Variants in BCL2 observed in about 807,000 individuals in gnomAD.
The protein encoded by BCL2 is BCL2 apoptosis regulator.
A neutral mutation model predicts 14.2 loss-of-function variants in BCL2; 1 was observed. That is an observed-to-expected ratio of 0.07 (90% CI 0.02 to 0.33). The LOEUF (loss-of-function observed/expected upper bound fraction) is 0.33, where lower values mean the gene tolerates loss of function less well. BCL2 is among the 10% of genes least tolerant of loss of function. The pLI is 0.99. For synonymous variants in BCL2, 151 were observed against 137.2 expected, an observed-to-expected ratio of 1.10 and a Z score of -0.70; for missense variants, 247 against 305.9, an observed-to-expected ratio of 0.81 and a Z score of 1.44.
chr18:63,160,901 A>C (rs2144618642), intron 2 of BCL2, among the ~76,000 whole-genome samples: 1 of 152,292 alleles, frequency 6.6e-6, no homozygotes, highest in East Asian at 1.9e-4. Flanking sequence ...TGCCAGAGTG[A>C]GTGCCAGGCA....
chr18:63,302,641 G>C, intron 2 of BCL2: 1 of 985,062 alleles, frequency 1.0e-6, no homozygotes, highest in Non-Finnish European at 1.2e-6. Flanking sequence ...CATGAATTCA[G>C]AGTGAGTTAA....
Position 63,318,811 on chromosome 18 carries a change from C to T in BCL2, c.-145G>A, listed in dbSNP as rs1182949080. 1.1e-5 allele frequency: 16 copies of T among 1,448,298 alleles called. No homozygotes were observed. The highest frequency in any genetic ancestry group is 1.5e-5 in the African/African-American group (1 of 68,176). The allele number at this position is 1,448,298 out of a possible 1,614,324, so 89.7% of individuals were successfully genotyped here. On this transcript the variant is annotated 5_prime_UTR_variant, in exon 2 of 3. Coordinates refer to ENST00000333681, the MANE Select transcript of BCL2 (RefSeq NM_000633.3). This position sits in a 1 kb window ranked among gnomAD's most constrained non-coding sequence, Gnocchi z 7.4. ...TCTTGGACGAGGGGGTGTCTTCAATCACGCGGAACACTTGATTCTGGTGTT... is the reference window on the plus strand; with the variant it reads ...TCTTGGACGAGGGGGTGTCTTCAATTACGCGGAACACTTGATTCTGGTGTT...
At chr18:63,297,792 G>A (rs1248330757) in intron 2 of BCL2, among the ~76,000 whole-genome samples, 2 of 152,164 alleles carry the variant, frequency 1.3e-5, no homozygotes, top group African/African-American at 4.8e-5. Flanking sequence ...AATTCCAGGC[G>A]TGGCATCGGC....
At chr18:63,317,040 C>T (rs1913519997) in intron 2 of BCL2, 1 of 151,750 alleles carries the variant, frequency 6.6e-6, no homozygotes, top group Non-Finnish European at 1.5e-5. Flanking sequence ...GGAACTAAAC[C>T]CCCTCCAACA....
intron 2 of BCL2, among the ~76,000 whole-genome samples, chr18:63,169,248 T>TTTTC (rs145779306): frequency 0.038 from 4,059 of 108,110 alleles, 292 homozygotes; most frequent in East Asian, 0.051. Context: ...CCCTTCGTGT[T>TTTTC]TTTCTTTCTT....
chr18:63,156,260 G>T (rs148830940), intron 2 of BCL2, among the ~76,000 whole-genome samples: 1 of 152,110 alleles, frequency 6.6e-6, no homozygotes, highest in African/African-American at 2.4e-5. Context: ...AACTTTTCCC[G>T]TTTGTGTCAA....
intron 2 of BCL2, among the ~76,000 whole-genome samples, chr18:63,279,606 A>G (rs1349278799): frequency 1.3e-5 from 2 of 152,256 alleles, no homozygotes; most frequent in East Asian, 3.8e-4. Context: ...TGTGTTCCCA[A>G]TAGAAATATA....
intron 2 of BCL2, among the ~76,000 whole-genome samples, chr18:63,296,282 G>T (rs769877298): frequency 1.3e-5 from 2 of 152,118 alleles, no homozygotes; most frequent in Non-Finnish European, 2.9e-5. Context: ...GTCCAGCCTG[G>T]CAAGAGTTAG....
intron 2 of BCL2, among the ~76,000 whole-genome samples, chr18:63,150,528 C>T (rs936782669): frequency 4.0e-5 from 6 of 148,894 alleles, no homozygotes; most frequent in African/African-American, 1.5e-4. Context: ...CCCACTTTCT[C>T]TCCGCATTTT....
intron 2 of BCL2, among the ~76,000 whole-genome samples, chr18:63,213,723 C>G (rs547503366): frequency 3.9e-5 from 6 of 152,264 alleles, no homozygotes; most frequent in African/African-American, 1.4e-4. Context: ...CAGATTACCC[C>G]ATTTGTTCTC....
intron 2 of BCL2, among the ~76,000 whole-genome samples, chr18:63,211,687 T>G (rs553049163): frequency 6.6e-6 from 1 of 152,344 alleles, no homozygotes; most frequent in East Asian, 1.9e-4. Context: ...TAGTATGTGT[T>G]GTTGCTGTGT....
At chr18:63,218,690 T>TC (rs1568237458) in intron 2 of BCL2, among the ~76,000 whole-genome samples, 1 of 2,030 alleles carries the variant, frequency 4.9e-4, no homozygotes, top group Non-Finnish European at 1.1e-3. Flanking sequence ...CCTCCACTCA[T>TC]CCCATTCTCC....
chr18:63,138,317 C>T lies in BCL2; in HGVS notation c.586-9558G>A, dbSNP rs115986418. Among the ~76,000 whole-genome samples the T allele has an allele frequency of 4.0e-3, 608 of 152,284 alleles. 1 individual carries two copies. The highest frequency in any genetic ancestry group is 0.014 in the African/African-American group (582 of 41,552). Reference sequence around the variant, plus strand: ...TCCATTTCCCCCCTTATCATCGGCTCGGCAGGATTTCCTCCACAGCCACAT... The same window carrying T: ...TCCATTTCCCCCCTTATCATCGGCTTGGCAGGATTTCCTCCACAGCCACAT... On this transcript the variant is annotated intron_variant, in intron 2 of 2. Transcript: ENST00000333681.
At chr18:63,276,642 G>A (rs536623208) in intron 2 of BCL2, among the ~76,000 whole-genome samples, 6 of 152,322 alleles carry the variant, frequency 3.9e-5, no homozygotes, top group African/African-American at 9.6e-5. Context: ...TTACTAACAC[G>A]TATTCACCAT....
intron 2 of BCL2, among the ~76,000 whole-genome samples, chr18:63,274,450 A>G (rs1362085586): frequency 6.6e-6 from 1 of 151,558 alleles, no homozygotes; most frequent in Non-Finnish European, 1.5e-5. Flanking sequence ...ATGCCCGGGT[A>G]ATTTTTGTAT....
At chr18:63,155,859 G>A (rs1033051416) in intron 2 of BCL2, among the ~76,000 whole-genome samples, 2 of 152,018 alleles carry the variant, frequency 1.3e-5, no homozygotes, top group Admixed American at 6.6e-5. Context: ...CCCTTCCTGG[G>A]GCCCTCACTC....
chr18:63,190,560 C>T (rs8098848), intron 2 of BCL2, among the ~76,000 whole-genome samples: 89,061 of 152,100 alleles, frequency 0.59, 28,097 homozygotes, highest in Non-Finnish European at 0.72. Context: ...AGGGACACAA[C>T]TGCCACCCAG....
chr18:63,233,534 T>A (rs545776177), intron 2 of BCL2, among the ~76,000 whole-genome samples: 79 of 152,280 alleles, frequency 5.2e-4, no homozygotes, highest in South Asian at 2.7e-3. Context: ...TAGATTCTCA[T>A]AAGGAGCGAG....
rs71162607 is a variant in BCL2, at chr18:63,220,819, GA to G, written c.586-92061del. Among the ~76,000 whole-genome samples, 271 of 137,686 alleles carry G rather than the reference GA, an allele frequency of 2.0e-3. 1 individual carries two copies. Among genetic ancestry groups the G allele is most frequent in the African/African-American group, 6.6e-3 (243 of 36,856 alleles). 90.3% of individuals were successfully genotyped at this position (137,686 alleles called of 152,430 possible). On this transcript the variant is annotated intron_variant, in intron 2 of 2. Coordinates refer to ENST00000333681, the MANE Select transcript of BCL2 (RefSeq NM_000633.3). ...GGATCCTGAAAGATGTCTTCAAGGA[GA>G]AAAAAAAAAAGGCGTTTTTCTTTGA...
Sources: gnomAD v4.1 joint callset for allele counts (sites outside exome capture counted in the v4.1 genomes callset) on GRCh38, gnomAD v4.1.1 for gene constraint, Gnocchi (gnomAD v3.1) non-coding constraint, MANE v1.5 for transcripts, NCBI Gene and HGNC (gene_info 2026-07-23, HGNC 2026-07-21) for gene names.